Variants in WDR59 observed in about 807,000 individuals in gnomAD.
WDR59 encodes WD repeat domain 59.
Under a neutral mutation model 131.2 loss-of-function variants are expected in WDR59, and 100 were observed. That is an observed-to-expected ratio of 0.76 (90% CI 0.65 to 0.90). The LOEUF is 0.90. WDR59 is among the 40% of genes least tolerant of loss of function. The pLI, the probability that WDR59 is intolerant of heterozygous loss-of-function variation, is 0.00. For missense variants in WDR59, 1,203 were observed against 1,262.2 expected (o/e 0.95, Z 0.71); for synonymous variants, 601 against 466.2 (o/e 1.29, Z -3.72).
At position 74,923,970 on chromosome 16, in the gene WDR59, T is replaced by C; in HGVS notation, c.685A>G (p.Asn229Asp). 1 of 1,613,762 alleles carries C rather than the reference T, an allele frequency of 6.2e-7. No homozygotes were observed. The highest frequency in any genetic ancestry group is 1.7e-5 in the Admixed American group (1 of 59,998). Residue 229 changes from asparagine (N) to aspartate (D), a missense_variant, in exon 9 of 26, where the codon AAT (asparagine) becomes GAT (aspartate). Transcript: ENST00000262144. ...ACAGGCACCTGGCAAGGAAGAATAT[T>C]GAGGTATTTCCGAGGCTGGCGGTAA... is the stretch of plus-strand genomic sequence containing the variant. The part of the protein sequence containing the change: ...WDYRQPRKYL[N>D]ILPCQVPVWK...
At chr16:74,910,076 T>A (rs1239167522) in intron 14 of WDR59, among the ~76,000 whole-genome samples, 159 bp from the exon 15 acceptor site, 1 of 151,864 alleles carries the variant, frequency 6.6e-6, no homozygotes, top group Non-Finnish European at 1.5e-5. Context: ...CAAGTGATTC[T>A]TGTGCCTCAG....
intron 2 of WDR59, among the ~76,000 whole-genome samples, chr16:74,959,866 GA>G (rs2033478217): frequency 6.8e-6 from 1 of 148,008 alleles, no homozygotes; most frequent in Admixed American, 6.7e-5. Flanking sequence ...AAGAAAAGAA[GA>G]AATTCAAAGG....
chr16:74,971,528 G>C (rs2033984772), intron 1 of WDR59, among the ~76,000 whole-genome samples: 1 of 145,998 alleles, frequency 6.8e-6, no homozygotes. Context: ...TGCCTCCTGA[G>C]TTCAAGCAAT....
intron 18 of WDR59, among the ~76,000 whole-genome samples, chr16:74,895,652 A>G (rs1965263829): frequency 6.6e-6 from 1 of 152,198 alleles, no homozygotes; most frequent in Non-Finnish European, 1.5e-5. Flanking sequence ...AGCTTTATCA[A>G]TTATTATGGG....
rs1414512317 is a variant in WDR59, at chr16:74,956,544, C to G, written c.171G>C (p.Gln57His). The change falls in exon 3 of 26, where the codon CAG becomes CAC. Residue 57 changes from glutamine to histidine, a missense_variant. Physicochemically the swap from Gln to His is conservative, Grantham distance 24 (BLOSUM62 0). Coordinates refer to ENST00000262144, the MANE Select transcript of WDR59 (RefSeq NM_030581.4). ...PFEGHRKISR[Q>H]SKWDIGAVQW... ...GCACAGCTCCAATGTCCCATTTGCT[C>G]TGGCGAGAGATCTTTCGGTGACCTT... is the stretch of plus-strand genomic sequence containing the variant. The G allele has an allele frequency of 1.9e-6, 3 of 1,614,016 alleles. No individual in the cohort carries two copies. The Admixed American group carries it at 5.0e-5, about 27-fold the overall frequency.
In WDR59 at chr16:74,956,529, A is replaced by G; in HGVS notation, c.186T>C (p.Ile62=). 1 of 1,614,130 alleles carries G rather than the reference A, an allele frequency of 6.2e-7. No individual in the cohort carries two copies. Among genetic ancestry groups the G allele is most frequent in the South Asian group, 1.1e-5 (1 of 91,078 alleles). The change falls in exon 3 of 26, where the codon ATT becomes ATC. Residue 62 remains isoleucine, a synonymous_variant. Coordinates refer to ENST00000262144, the MANE Select transcript of WDR59 (RefSeq NM_030581.4). The stretch of plus-strand genomic sequence containing the variant: ...CATGAGGATTCCACTGCACAGCTCC[A>G]ATGTCCCATTTGCTCTGGCGAGAGA... ...RKISRQSKWD[I]GAVQWNPHDS...
In WDR59 at chr16:74,951,465, C is replaced by T; in HGVS notation, c.319G>A (p.Val107Ile). 1 of 1,597,960 alleles carries T rather than the reference C, an allele frequency of 6.3e-7. No homozygotes were observed. The highest frequency in any genetic ancestry group is 1.1e-5 in the South Asian group (1 of 87,532). Residue 107 changes from valine (V) to isoleucine (I), a missense_variant, in exon 4 of 26, where the codon GTC (valine) becomes ATC (isoleucine). Val to Ile is a conservative substitution (Grantham distance 29). Coordinates refer to ENST00000262144, the MANE Select transcript of WDR59 (RefSeq NM_030581.4). ...TGGAGGGCTGGTGCCTACCTGATGA[C>T]ACGAGTGTGGCCTTGTAAGGTTGTG... ...VGTTLQGHTR[V>I]ISDLDWAVFE...
chr16:74,888,396 T>C, intron 21 of WDR59, 77 bp from the exon 22 acceptor site: 1 of 1,440,828 alleles, frequency 6.9e-7, no homozygotes, highest in Admixed American at 2.2e-5. Flanking sequence ...TCATGGCGTG[T>C]TACTGCCACA....
At chr16:74,966,852 T>C (rs961341281) in intron 1 of WDR59, among the ~76,000 whole-genome samples, 9 of 152,334 alleles carry the variant, frequency 5.9e-5, no homozygotes, top group African/African-American at 2.2e-4. Flanking sequence ...AGCCAACGTC[T>C]AACTCCCAAG....
intron 25 of WDR59, among the ~76,000 whole-genome samples, chr16:74,875,855 G>GAAATGCATCTCACTTCAT (rs1555548711): frequency 6.6e-6 from 1 of 152,158 alleles, no homozygotes; most frequent in Non-Finnish European, 1.5e-5. Context: ...CCATGTTCAA[G>GAAATGCATCTCACTTCAT]AAATGCATCT....
chr16:74,918,243 A>G (rs1022808715), intron 10 of WDR59, among the ~76,000 whole-genome samples: 1 of 152,224 alleles, frequency 6.6e-6, no homozygotes, highest in Non-Finnish European at 1.5e-5. Context: ...AACATCTGGT[A>G]TAAAGAATAA....
intron 23 of WDR59, among the ~76,000 whole-genome samples, 170 bp downstream of exon 23, chr16:74,887,513 G>C (rs181642992): frequency 6.6e-6 from 1 of 152,162 alleles, no homozygotes; most frequent in Non-Finnish European, 1.5e-5. Flanking sequence ...AACGTGGTCT[G>C]TTCAACATGC....
At chr16:74,893,435 C>T (rs995211697) in intron 19 of WDR59, among the ~76,000 whole-genome samples, 13 of 152,104 alleles carry the variant, frequency 8.5e-5, no homozygotes, top group Admixed American at 8.5e-4. Flanking sequence ...CCTGCTGAGA[C>T]CCTAAGCAAG....
chr16:74,887,420 G>A (rs931586347), intron 23 of WDR59, among the ~76,000 whole-genome samples: 9 of 152,216 alleles, frequency 5.9e-5, no homozygotes, highest in African/African-American at 2.2e-4. Flanking sequence ...TTAGGTTTTG[G>A]GGGTGAACAG....
Position 74,985,040 on chromosome 16 carries a change from C to A in WDR59, c.-23G>T. 1 of 1,558,678 alleles carries A rather than the reference C, an allele frequency of 6.4e-7. No homozygotes were observed. The highest frequency in any genetic ancestry group is 1.2e-5 in the South Asian group (1 of 85,040). On this transcript the variant is annotated 5_prime_UTR_variant, in exon 1 of 26. Transcript: ENST00000262144. Reference sequence around the variant, plus strand: ...CATCTCCCCCGCCCGGCCGCCGCGGCCCCAGGACGGCGCCCTCCCACCCCG... The same window carrying A: ...CATCTCCCCCGCCCGGCCGCCGCGGACCCAGGACGGCGCCCTCCCACCCCG...
At chr16:74,929,724 G>A (rs988439351) in intron 8 of WDR59, among the ~76,000 whole-genome samples, 1 of 152,160 alleles carries the variant, frequency 6.6e-6, no homozygotes, top group African/African-American at 2.4e-5. Context: ...AGAGACATCT[G>A]CATGCCCATA....
chr16:74,947,829 G>C (rs1289201481), intron 6 of WDR59, among the ~76,000 whole-genome samples: 3 of 152,130 alleles, frequency 2.0e-5, no homozygotes, highest in Non-Finnish European at 4.4e-5. Context: ...CCAGCACTTC[G>C]GGAGGCCAAG....
chr16:74,873,307 A>C lies in WDR59; in HGVS notation c.*902T>G, dbSNP rs1244908827. On this transcript the variant is annotated 3_prime_UTR_variant, in exon 26 of 26. Coordinates refer to ENST00000262144, the MANE Select transcript of WDR59 (RefSeq NM_030581.4). ...GTGATCCCCTCACTTTTGCCTTCTAAAGTGTGGGATTACAGGCATGAGCCA... is the reference window on the plus strand; with the variant it reads ...GTGATCCCCTCACTTTTGCCTTCTACAGTGTGGGATTACAGGCATGAGCCA... 2 of 152,172 alleles carry C rather than the reference A, an allele frequency of 1.3e-5. No individual in the cohort carries two copies. Among genetic ancestry groups the C allele is most frequent in the Non-Finnish European group, 2.9e-5 (2 of 68,090 alleles). 9.4% of individuals were successfully genotyped at this position (152,172 alleles called of 1,614,324 possible). A position where few individuals can be genotyped will look rare whatever the true frequency, so the allele number is the denominator to read the frequency against.
intron 10 of WDR59, among the ~76,000 whole-genome samples, chr16:74,918,887 C>T (rs998165059): frequency 6.6e-6 from 1 of 152,112 alleles, no homozygotes; most frequent in African/African-American, 2.4e-5. Context: ...CCACCTTCAA[C>T]CAAAAATTCA....
Sources: allele counts gnomAD v4.1 joint callset (sites outside exome capture counted in the v4.1 genomes callset), GRCh38; gene constraint gnomAD v4.1.1; transcripts MANE v1.5; gene names NCBI Gene and HGNC (gene_info 2026-07-23, HGNC 2026-07-21).